Variants in RBFOX1 observed in about 807,000 individuals in gnomAD.
The protein encoded by RBFOX1 is RNA binding protein fox-1 homolog 1.
Under a neutral mutation model 57.7 loss-of-function variants are expected in RBFOX1, and 8 were observed. That is an observed-to-expected ratio of 0.14 (90% CI 0.08 to 0.25). The LOEUF is 0.25. Among genes scored for constraint, RBFOX1 ranks in the 10% least tolerant of loss-of-function variants. RBFOX1 has a pLI of 1.00. For missense variants in RBFOX1, 611 were observed against 548.5 expected (o/e 1.11, Z -1.14); for synonymous variants, 326 against 222.4 (o/e 1.47, Z -4.15).
At chr16:7,530,887 A>C (rs1346237350) in intron 5 of RBFOX1, among the ~76,000 whole-genome samples, 1 of 152,154 alleles carries the variant, frequency 6.6e-6, no homozygotes, top group Admixed American at 6.5e-5. Flanking sequence ...ATGGGGAGAA[A>C]GTCATCACCA....
intron 3 of RBFOX1, among the ~76,000 whole-genome samples, chr16:6,780,562 TTATATATATTTA>T (rs1347788120): frequency 2.4e-4 from 25 of 105,054 alleles, no homozygotes; most frequent in Admixed American, 2.8e-4. Flanking sequence ...ATTTACATAT[TTATATATATTTA>T]TATATATATT....
rs549941516 is a variant in RBFOX1, at chr16:5,932,073, C to T, written c.351+64738C>T. Among the ~76,000 whole-genome samples the T allele has an allele frequency of 7.2e-5, 11 of 152,200 alleles. No homozygotes were observed. In the East Asian group the frequency reaches 9.7e-4, roughly 13 times the overall value. On this transcript the variant is annotated intron_variant, in intron 4 of 19. Coordinates refer to the RBFOX1 transcript ENST00000641259. ...CCCGCCTTGGCTTCCCAAAGTGTTGCGGATTGCAGGAATGAGCCACTGTGC... is the reference window on the plus strand; with the variant it reads ...CCCGCCTTGGCTTCCCAAAGTGTTGTGGATTGCAGGAATGAGCCACTGTGC...
chr16:6,988,364 G>C (rs999899054), intron 3 of RBFOX1, among the ~76,000 whole-genome samples: 1 of 152,096 alleles, frequency 6.6e-6, no homozygotes, highest in Non-Finnish European at 1.5e-5. Flanking sequence ...AGTAGCTACT[G>C]TTTACTTATG....
intron 1 of RBFOX1, among the ~76,000 whole-genome samples, chr16:6,300,326 A>C (rs1366658785): frequency 6.6e-6 from 1 of 152,222 alleles, no homozygotes; most frequent in African/African-American, 2.4e-5. Context: ...GTACGTTTTA[A>C]GTGTTCTCAC....
intron 3 of RBFOX1, among the ~76,000 whole-genome samples, chr16:7,031,870 T>TA (rs2042890572): frequency 6.6e-6 from 1 of 152,142 alleles, no homozygotes; most frequent in African/African-American, 2.4e-5. Context: ...GGAGCTCCAC[T>TA]ACCTTGCCTT....
At chr16:6,066,448 G>A (rs1347744121) in intron 1 of RBFOX1, among the ~76,000 whole-genome samples, 3 of 152,062 alleles carry the variant, frequency 2.0e-5, no homozygotes, top group Admixed American at 2.0e-4. Context: ...AAAACCCTTT[G>A]TTCAGATACA....
chr16:7,042,761 G>A (rs77564190), intron 3 of RBFOX1, among the ~76,000 whole-genome samples: 15,342 of 152,022 alleles, frequency 0.1, 1,242 homozygotes, highest in East Asian at 0.29. Context: ...CTCCATCTCT[G>A]CTACAAATGC....
Position 6,156,635 on chromosome 16 carries a change from G to T in RBFOX1, c.-127+136643G>T, listed in dbSNP as rs143749461. Among the ~76,000 whole-genome samples the T allele has an allele frequency of 1.1e-3, 167 of 152,266 alleles. 1 individual carries two copies. The Middle Eastern group carries it at 0.017, about 16-fold the overall frequency. ...CACCTGTGGGACAATGCTGAGGGTT[G>T]TGGGGGGATCCAAGAGGACTTCCCT... is the stretch of plus-strand genomic sequence containing the variant. On this transcript the variant is annotated intron_variant, in intron 1 of 15. Transcript: ENST00000550418.
At chr16:6,530,441 A>G (rs1034230041) in intron 2 of RBFOX1, among the ~76,000 whole-genome samples, 2 of 152,082 alleles carry the variant, frequency 1.3e-5, no homozygotes, top group Admixed American at 1.3e-4. Context: ...CATTGTTGCT[A>G]TTTGTCTGGT....
At chr16:5,301,239 G>C (rs2063794983) in intron 1 of RBFOX1, among the ~76,000 whole-genome samples, 1 of 152,144 alleles carries the variant, frequency 6.6e-6, no homozygotes, top group African/African-American at 2.4e-5. Flanking sequence ...TCACATGGCA[G>C]GGAATTGAGG....
At chr16:6,852,935 G>C (rs1472078490) in intron 3 of RBFOX1, among the ~76,000 whole-genome samples, 1 of 152,206 alleles carries the variant, frequency 6.6e-6, no homozygotes, top group Non-Finnish European at 1.5e-5. Context: ...CATGCAAGGA[G>C]GATGCTGGGA....
At chr16:7,069,577 G>T (rs919471933) in intron 4 of RBFOX1, among the ~76,000 whole-genome samples, 6 of 152,134 alleles carry the variant, frequency 3.9e-5, no homozygotes, top group African/African-American at 7.2e-5. Flanking sequence ...CTGGCTATGG[G>T]ACACATTCCT....
intron 4 of RBFOX1, among the ~76,000 whole-genome samples, chr16:7,160,024 T>C (rs1044483099): frequency 3.9e-5 from 6 of 152,176 alleles, no homozygotes; most frequent in African/African-American, 1.4e-4. Context: ...TATCTAAGCA[T>C]TATCTGTGCA....
chr16:7,024,648 G>C (rs1182089690), intron 3 of RBFOX1, among the ~76,000 whole-genome samples: 1 of 152,172 alleles, frequency 6.6e-6, no homozygotes, highest in East Asian at 1.9e-4. Context: ...TGCTTAGGGA[G>C]ATCTCCTGTT....
chr16:6,304,663 A>C (rs1599414334), intron 1 of RBFOX1, among the ~76,000 whole-genome samples: 1 of 152,122 alleles, frequency 6.6e-6, no homozygotes, highest in East Asian at 1.9e-4. Context: ...CAAGCGGATC[A>C]CTTGATGCCA....
intron 3 of RBFOX1, among the ~76,000 whole-genome samples, chr16:6,848,339 T>C (rs2093877499): frequency 1.3e-5 from 2 of 152,188 alleles, no homozygotes; most frequent in African/African-American, 2.4e-5. Flanking sequence ...GTTTGGCATC[T>C]GCATTTTTTA....
At chr16:7,072,206 G>A (rs949123879) in intron 4 of RBFOX1, among the ~76,000 whole-genome samples, 1 of 152,148 alleles carries the variant, frequency 6.6e-6, no homozygotes, top group African/African-American at 2.4e-5. Context: ...GTCCTGGTTT[G>A]GAGAATAAAT....
intron 3 of RBFOX1, among the ~76,000 whole-genome samples, chr16:6,942,084 T>A (rs1485990645): frequency 6.6e-6 from 1 of 151,842 alleles, no homozygotes; most frequent in Non-Finnish European, 1.5e-5. Flanking sequence ...ATAATAATAA[T>A]AAAAATTAGC....
At chr16:5,784,367 C>T (rs549077957) in intron 3 of RBFOX1, among the ~76,000 whole-genome samples, 1 of 151,994 alleles carries the variant, frequency 6.6e-6, no homozygotes, top group South Asian at 2.1e-4. Context: ...GCGGAGCTTG[C>T]AGTGAGCCGA....
Sources: gnomAD v4.1 joint callset for allele counts (sites outside exome capture counted in the v4.1 genomes callset) on GRCh38, gnomAD v4.1.1 for gene constraint, MANE v1.5 for transcripts, NCBI Gene and HGNC (gene_info 2026-07-23, HGNC 2026-07-21) for gene names.